The following ARID4A variants were observed in gnomAD, a reference collection of about 807,000 sequenced individuals.
The protein encoded by ARID4A is AT-rich interactive domain-containing protein 4A.
Under a neutral mutation model 148.6 loss-of-function variants are expected in ARID4A, and 39 were observed. The observed-to-expected ratio is 0.26, with a 90% CI of 0.20 to 0.34. The LOEUF is 0.34. ARID4A is among the 10% of genes least tolerant of loss of function. The pLI is 1.00. For missense variants in ARID4A, 1,265 were observed against 1,449.1 expected, an observed-to-expected ratio of 0.87 and a Z score of 2.06; for synonymous variants, 475 against 481.2, an observed-to-expected ratio of 0.99 and a Z score of 0.17.
At chr14:58,367,101 G>A in intron 23 of ARID4A, 72 bp downstream of exon 23, 4 of 1,187,926 alleles carry the variant, frequency 3.4e-6, no homozygotes, top group Non-Finnish European at 4.5e-6. Context: ...ATTTAAATTT[G>A]ATACTCTTTG....
chr14:58,344,757 G>C lies in ARID4A; in HGVS notation c.969G>C (p.Met323Ile). The change falls in exon 12 of 24, where the codon ATG becomes ATC. Residue 323 changes from methionine to isoleucine, a missense_variant. Met to Ile is a conservative substitution (Grantham distance 10, BLOSUM62 1). Around this residue, in one of 9 missense-constraint regions of ARID4A, gnomAD observed 249 missense variants for 277.2 expected, o/e 0.90. Transcript: ENST00000355431. ...TCCTCCAGCAGCTTTATAAGTTTATGGAAGACAGAGGTATTTTCATGCTCA... is the reference window on the plus strand; with the variant it reads ...TCCTCCAGCAGCTTTATAAGTTTATCGAAGACAGAGGTATTTTCATGCTCA... Reference protein sequence around the residue: ...DNFLQQLYKFMEDRGTPINKP... With the variant: ...DNFLQQLYKFIEDRGTPINKP... 1 of 1,611,096 alleles carries C rather than the reference G, an allele frequency of 6.2e-7. No homozygotes were observed. Among genetic ancestry groups the C allele is most frequent in the African/African-American group, 1.3e-5 (1 of 74,916 alleles).
chr14:58,311,512 C>T (rs2032030575), intron 5 of ARID4A, among the ~76,000 whole-genome samples: 1 of 152,110 alleles, frequency 6.6e-6, no homozygotes, highest in East Asian at 1.9e-4. Context: ...GTATAGCCAT[C>T]ATGGAAAATA....
At chr14:58,343,921 T>C (rs959810090) in intron 11 of ARID4A, among the ~76,000 whole-genome samples, 5 of 152,040 alleles carry the variant, frequency 3.3e-5, no homozygotes, top group Admixed American at 1.3e-4. Context: ...AGGAAACATA[T>C]CAGTGTTTTG....
chr14:58,349,341 G>GT (rs796083768), intron 15 of ARID4A, among the ~76,000 whole-genome samples: 1 of 151,948 alleles, frequency 6.6e-6, no homozygotes, highest in African/African-American at 2.4e-5. Flanking sequence ...TTTTCTCCCA[G>GT]TTTTTTACTA....
chr14:58,330,702 T>C (rs1402322547), intron 11 of ARID4A, among the ~76,000 whole-genome samples: 1 of 152,118 alleles, frequency 6.6e-6, no homozygotes, highest in Non-Finnish European at 1.5e-5. Flanking sequence ...AAAAATCCTA[T>C]CCAAACCCCA....
intron 21 of ARID4A, 76 bp downstream of exon 21, chr14:58,365,698 T>C: frequency 8.0e-7 from 1 of 1,250,208 alleles, no homozygotes; most frequent in Admixed American, 2.0e-5. Context: ...TAAACATAAA[T>C]GGAGCAATAC....
intron 5 of ARID4A, among the ~76,000 whole-genome samples, chr14:58,316,578 TTTTG>T (rs769449555): frequency 2.6e-4 from 39 of 151,772 alleles, no homozygotes; most frequent in Middle Eastern, 3.2e-3. Flanking sequence ...AGTAGTACGA[TTTTG>T]TTTGTTTGTT....
chr14:58,299,816 T>C lies in ARID4A; in HGVS notation c.-39T>C. 3 of 1,614,186 alleles carry C rather than the reference T, an allele frequency of 1.9e-6. No homozygotes were observed. Among genetic ancestry groups the C allele is most frequent in the Non-Finnish European group, 2.5e-6 (3 of 1,180,014 alleles). ...CCCATAGTTCTAGCGACTGCGAAGATAGCTCGCTGAGCTGGAACCCCACAG... is the reference window on the plus strand; with the variant it reads ...CCCATAGTTCTAGCGACTGCGAAGACAGCTCGCTGAGCTGGAACCCCACAG... On this transcript the variant is annotated 5_prime_UTR_variant, in exon 2 of 24. Transcript: ENST00000355431.
intron 5 of ARID4A, among the ~76,000 whole-genome samples, chr14:58,310,644 A>C (rs1203048909): frequency 6.6e-6 from 1 of 152,116 alleles, no homozygotes; most frequent in African/African-American, 2.4e-5. Context: ...CAAAGACTTA[A>C]GACTTGAAAT....
intron 5 of ARID4A, among the ~76,000 whole-genome samples, chr14:58,312,505 C>T (rs577517613): frequency 4.6e-5 from 7 of 152,138 alleles, no homozygotes; most frequent in Admixed American, 6.5e-5. Context: ...CATGAGCCTC[C>T]GTGCCCGGTG....
In ARID4A at chr14:58,301,552, A is replaced by G. The variant is rs368674482; in HGVS notation, c.7-28A>G. 2.6e-6 allele frequency: 4 copies of G among 1,541,658 alleles called. No homozygotes were observed. The Admixed American group carries it at 5.0e-5, about 19-fold the overall frequency. ...TGGAGTAGGGAGGCATAGTAATGAC[A>G]TTCACAGTTTTATGTTCCTTTCACC... On this transcript the variant is annotated intron_variant, in intron 2 of 23. Transcript: ENST00000355431.
Position 58,323,545 on chromosome 14 carries a change from CAAT to C in ARID4A, c.511_513del (p.Asn171del), listed in dbSNP as rs758422159. On this transcript the variant is annotated inframe_deletion, in exon 8 of 24. Transcript: ENST00000355431. ...AGGAAGATGAAGACAAGCGCCGTCT[CAAT>C]GATGAATTACTAGGAAAAGTTGTAA... is the stretch of plus-strand genomic sequence containing the variant. 5.5e-5 allele frequency: 88 copies of C among 1,614,094 alleles called. No homozygotes were observed. In the Admixed American group the frequency reaches 5.5e-4, roughly 10 times the overall value.
chr14:58,317,624 C>CTTTTTTTTT (rs71107933), intron 5 of ARID4A, among the ~76,000 whole-genome samples: 5 of 69,884 alleles, frequency 7.2e-5, no homozygotes, highest in African/African-American at 1.3e-4. Flanking sequence ...TTATATTTGT[C>CTTTTTTTTT]TTTTTTTTTT....
intron 21 of ARID4A, 66 bp downstream of exon 21, chr14:58,365,688 T>G: frequency 7.4e-7 from 1 of 1,350,430 alleles, no homozygotes; most frequent in Non-Finnish European, 1.0e-6. Flanking sequence ...TGGCTTGTTT[T>G]AAACATAAAT....
At chr14:58,328,639 C>T (rs150624870) in intron 9 of ARID4A, among the ~76,000 whole-genome samples, 4 of 151,860 alleles carry the variant, frequency 2.6e-5, no homozygotes, top group East Asian at 3.9e-4. Context: ...TTATTAACTC[C>T]GAAGCTTATT....
intron 12 of ARID4A, among the ~76,000 whole-genome samples, 157 bp downstream of exon 12, chr14:58,344,924 G>A (rs1212430123): frequency 1.3e-5 from 2 of 152,140 alleles, no homozygotes; most frequent in Non-Finnish European, 1.5e-5. Flanking sequence ...CCAGGCTGGA[G>A]TGCAGTGATT....
chr14:58,324,262 CT>C (rs2033093579), intron 8 of ARID4A, among the ~76,000 whole-genome samples: 1 of 152,036 alleles, frequency 6.6e-6, no homozygotes, highest in Admixed American at 6.6e-5. Flanking sequence ...CCAGTACTAA[CT>C]TTTATAGAGA....
chr14:58,310,720 T>C (rs950224238), intron 5 of ARID4A, among the ~76,000 whole-genome samples: 4 of 151,708 alleles, frequency 2.6e-5, no homozygotes, highest in Non-Finnish European at 4.4e-5. Flanking sequence ...CATTGATTTT[T>C]TTTTTTTTTT....
intron 5 of ARID4A, among the ~76,000 whole-genome samples, chr14:58,310,815 A>C (rs1187885540): frequency 1.3e-5 from 2 of 152,120 alleles, no homozygotes; most frequent in Non-Finnish European, 2.9e-5. Context: ...ACAGCAAAAG[A>C]AACAATCCAG....
Sources: gnomAD v4.1 joint callset for allele counts (sites outside exome capture counted in the v4.1 genomes callset) on GRCh38, gnomAD v4.1.1 for gene constraint, gnomAD v4.1.1 regional missense constraint, MANE v1.5 for transcripts, NCBI Gene and HGNC (gene_info 2026-07-23, HGNC 2026-07-21) for gene names.